The following AP5Z1 variants were observed in gnomAD, a reference collection of about 807,000 sequenced individuals.
AP5Z1 encodes the protein adaptor related protein complex 5 subunit zeta 1.
A neutral mutation model predicts 83.0 loss-of-function variants in AP5Z1; 106 were observed. That is an observed-to-expected ratio of 1.28 (90% confidence interval 1.09 to 1.50). The LOEUF is 1.50. Among genes scored for constraint, AP5Z1 ranks in the 40% most tolerant of loss-of-function variants. The probability of loss-of-function intolerance (pLI) is 0.00; values close to 1 mark genes in which losing one functional copy is unlikely to be tolerated. For synonymous variants in AP5Z1, 751 were observed against 514.1 expected (o/e 1.46, Z -6.23); for missense variants, 1,565 against 1,094.2 (o/e 1.43, Z -6.07).
Position 4,787,728 on chromosome 7 carries a change from C to G in AP5Z1, c.1406C>G (p.Ala469Gly). The change falls in exon 11 of 17, where the codon GCG (alanine) becomes GGG (glycine). Residue 469 changes from alanine (A) to glycine (G), a missense_variant. Transcript: ENST00000649063. The part of the protein sequence containing the change: ...DAGTALEMLH[A>G]LLDLPCLTAV... ...GGCACAGCCCTGGAGATGCTGCACGCGCTGCTGGACCTGCCCTGCTTGACG... is the reference window on the plus strand; with the variant it reads ...GGCACAGCCCTGGAGATGCTGCACGGGCTGCTGGACCTGCCCTGCTTGACG... The G allele has an allele frequency of 6.5e-7, 1 of 1,548,340 alleles. No individual in the cohort carries two copies. Among genetic ancestry groups the G allele is most frequent in the Non-Finnish European group, 8.7e-7 (1 of 1,148,902 alleles).
Position 4,791,347 on chromosome 7 carries a change from CGGCTGGTGGAGA to C in AP5Z1, c.2389_2400del (p.Leu797_Arg800del). 6.2e-7 allele frequency: 1 copy of C among 1,608,894 alleles called. No individual in the cohort carries two copies. The highest frequency in any genetic ancestry group is 8.5e-7 in the Non-Finnish European group (1 of 1,178,246). ...GCCCCTGGCCCTGCGCACGGTCAGC[CGGCTGGTGGAGA>C]GGGAGGCCGGCCTCATGCCAGGGTG... On this transcript the variant is annotated inframe_deletion, in exon 17 of 17. Coordinates refer to ENST00000649063, the MANE Select transcript of AP5Z1 (RefSeq NM_014855.3).
rs376210293 is a variant in AP5Z1, at chr7:4,787,542, C to G, written c.1312-92C>G. On this transcript the variant is annotated intron_variant, in intron 10 of 16. Coordinates refer to ENST00000649063, the MANE Select transcript of AP5Z1 (RefSeq NM_014855.3). The stretch of plus-strand genomic sequence containing the variant: ...AGAAGCCCTCCTGGGGACTGCAGGT[C>G]TGGGACAGCTGTGGGGCCCTAGCTG... The G allele has an allele frequency of 5.0e-5, 75 of 1,485,450 alleles. No homozygotes were observed. The East Asian group carries it at 8.2e-4, about 16-fold the overall frequency. 92.0% of individuals were successfully genotyped at this position (1,485,450 alleles called of 1,614,324 possible). A position where few individuals can be genotyped will look rare whatever the true frequency, so the allele number is the denominator to read the frequency against.
intron 2 of AP5Z1, 60 bp downstream of exon 2, chr7:4,781,372 C>G: frequency 6.2e-7 from 1 of 1,606,776 alleles, no homozygotes; most frequent in Non-Finnish European, 8.5e-7. Context: ...GAACCCAGCC[C>G]ACGCCCAGCA....
intron 9 of AP5Z1, 76 bp downstream of exon 9, chr7:4,785,760 CTTTTTTTTTTT>C (rs74274130): frequency 3.5e-6 from 4 of 1,140,590 alleles, no homozygotes; most frequent in Non-Finnish European, 4.6e-6. Flanking sequence ...TTCTTCTTCC[CTTTTTTTTTTT>C]TTTTTTTTTG....
At chr7:4,781,872 G>A (rs1200968741) in intron 3 of AP5Z1, 118 bp downstream of exon 3, 2 of 1,214,320 alleles carry the variant, frequency 1.6e-6, no homozygotes, top group Admixed American at 3.0e-5. Flanking sequence ...ACGCATCTCG[G>A]TGCTGAGTGC....
chr7:4,781,404 G>A (rs1319678690), intron 2 of AP5Z1, 92 bp downstream of exon 2: 95 of 1,585,604 alleles, frequency 6.0e-5, no homozygotes, highest in Non-Finnish European at 7.7e-5. Context: ...ATGCTCCTTG[G>A]GGGTTGAGTC....
At position 4,786,332 on chromosome 7, in the gene AP5Z1, G is replaced by C. The variant is rs1442588640; in HGVS notation, c.1215G>C (p.Met405Ile). The C allele has an allele frequency of 7.4e-6, 12 of 1,613,948 alleles. No homozygotes were observed. In the East Asian group the frequency reaches 2.5e-4, roughly 33 times the overall value. Residue 405 changes from methionine (M) to isoleucine (I), a missense_variant, in exon 10 of 17, where the codon ATG (methionine) becomes ATC (isoleucine). By Grantham distance (10) the Met-to-Ile change is conservative. Coordinates refer to ENST00000649063, the MANE Select transcript of AP5Z1 (RefSeq NM_014855.3). ...CGGTGGAGCAGTTCCACAGCCCCAT[G>C]CTGGCCTTTGAATTCATCCAGTTCT... is the stretch of plus-strand genomic sequence containing the variant. ...RIPVEQFHSPMLAFEFIQFCR... is the reference protein window; with the variant it reads ...RIPVEQFHSPILAFEFIQFCR...
intron 14 of AP5Z1, 190 bp from the exon 15 acceptor site, chr7:4,790,269 C>T (rs896375442): frequency 2.1e-5 from 33 of 1,543,334 alleles, no homozygotes; most frequent in African/African-American, 4.1e-5. Context: ...CTGAGGCCAG[C>T]GCTGGTGCCA....
rs1363864981 is a variant in AP5Z1 at position 4,792,954 on chromosome 7, CCCCTCCTGCCCTGGGGCGGGGCTT to C, written c.*1574_*1597del. On this transcript the variant is annotated 3_prime_UTR_variant, in exon 17 of 17. Transcript: ENST00000649063. Reference sequence around the variant, plus strand: ...TGAGTCTCCCACTGAGTCCGCAGCTCCCCTCCTGCCCTGGGGCGGGGCTTCCCTGACCTGAAGGCGTCGGGGGTG... The same window carrying C: ...TGAGTCTCCCACTGAGTCCGCAGCTCCCCTGACCTGAAGGCGTCGGGGGTG... The C allele has an allele frequency of 1.9e-5, 3 of 161,538 alleles. No individual in the cohort carries two copies. The East Asian group carries it at 5.4e-4, about 29-fold the overall frequency. The allele number at this position is 161,538 out of a possible 1,614,324, so 10.0% of individuals were successfully genotyped here.
At chr7:4,784,091 C>T (rs1015468255) in intron 5 of AP5Z1, 112 bp from the exon 6 acceptor site, 202 of 1,322,054 alleles carry the variant, frequency 1.5e-4, no homozygotes, top group Admixed American at 3.7e-4. Context: ...GGCCGCTGCC[C>T]GGGCTCATGT....
At position 4,790,002 on chromosome 7, in the gene AP5Z1, C is replaced by T. The variant is rs117029435; in HGVS notation, c.1805+73C>T. On this transcript the variant is annotated intron_variant, in intron 14 of 16. Coordinates refer to ENST00000649063, the MANE Select transcript of AP5Z1 (RefSeq NM_014855.3). ...GGACTCCTCCCCCTCTCCCCTCCCC[C>T]CTCCCCTTCAGTGGCTTCGGCACCA... The T allele has an allele frequency of 2.7e-4, 281 of 1,026,032 alleles. No individual in the cohort carries two copies. The African/African-American group carries it at 5.3e-3, about 19-fold the overall frequency. 63.6% of individuals were successfully genotyped at this position (1,026,032 alleles called of 1,614,324 possible).
In AP5Z1 at chr7:4,788,308, G is replaced by A. The variant is rs745584694; in HGVS notation, c.1595+14G>A. On this transcript the variant is annotated intron_variant, in intron 12 of 16. Transcript: ENST00000649063. ...CGCCACTGAGAGGTACGGGGCCCTA[G>A]GGCCAGGGGGCCACCAGTGGCTCAG... 2 of 1,564,366 alleles carry A rather than the reference G, an allele frequency of 1.3e-6. No individual in the cohort carries two copies. Among genetic ancestry groups the A allele is most frequent in the Admixed American group, 3.7e-5 (2 of 53,536 alleles).
At chr7:4,788,470 G>T in intron 12 of AP5Z1, 176 bp downstream of exon 12, 2 of 817,278 alleles carry the variant, frequency 2.4e-6, no homozygotes, top group Non-Finnish European at 3.6e-6. Flanking sequence ...CGGGTCTGCC[G>T]GGGGCGGGGC....
intron 14 of AP5Z1, chr7:4,790,255 G>A (rs1191347761): frequency 1.9e-6 from 3 of 1,545,824 alleles, no homozygotes; most frequent in Non-Finnish European, 2.6e-6. Context: ...CTCTGAGCCT[G>A]GGCCTGAGGC....
At chr7:4,776,734 C>A (rs996308746) in intron 1 of AP5Z1, among the ~76,000 whole-genome samples, 2 of 151,776 alleles carry the variant, frequency 1.3e-5, no homozygotes, top group Non-Finnish European at 2.9e-5. Context: ...AACTCCGTCT[C>A]AAAAGAAAAA....
Position 4,791,681 on chromosome 7 carries a change from C to CTGTT in AP5Z1, c.*298_*301dup. ...CTGGGTCGGGTGGAGGCTGCTGGGT[C>CTGTT]TGTTTCCTAGTCTTTTGTTTTTGGA... On this transcript the variant is annotated 3_prime_UTR_variant, in exon 17 of 17. Coordinates refer to ENST00000649063, the MANE Select transcript of AP5Z1 (RefSeq NM_014855.3). 1 of 491,718 alleles carries CTGTT rather than the reference C, an allele frequency of 2.0e-6. No homozygotes were observed. The highest frequency in any genetic ancestry group is 3.7e-5 in the South Asian group (1 of 27,278). The allele number at this position is 491,718 out of a possible 1,614,324, so 30.5% of individuals were successfully genotyped here. A position where few individuals can be genotyped will look rare whatever the true frequency, so the allele number is the denominator to read the frequency against.
In AP5Z1 at chr7:4,791,572, C is replaced by G; in HGVS notation, c.*187C>G. The G allele has an allele frequency of 2.3e-6, 2 of 884,898 alleles. No individual in the cohort carries two copies. The highest frequency in any genetic ancestry group is 3.7e-5 in the South Asian group (2 of 53,878). 54.8% of individuals were successfully genotyped at this position (884,898 alleles called of 1,614,324 possible). ...CCTGCTCACCCTCTGGGCTTTGTCT[C>G]CGAGCCTTTTGCTCCCAGGCAACAC... On this transcript the variant is annotated 3_prime_UTR_variant, in exon 17 of 17. Transcript: ENST00000649063.
chr7:4,786,369 C>T lies in AP5Z1; in HGVS notation c.1252C>T (p.Leu418Phe). The T allele has an allele frequency of 6.2e-7, 1 of 1,613,968 alleles. No homozygotes were observed. Among genetic ancestry groups the T allele is most frequent in the Non-Finnish European group, 8.5e-7 (1 of 1,179,862 alleles). The part of the protein sequence containing the change: ...FEFIQFCRDN[L>F]HLFSGHLSTL... Reference sequence around the variant, plus strand: ...ATTCATCCAGTTCTGCAGGGACAACCTCCACCTGTTCAGCGGGCACCTCAG... The same window carrying T: ...ATTCATCCAGTTCTGCAGGGACAACTTCCACCTGTTCAGCGGGCACCTCAG... The change falls in exon 10 of 17, where the codon CTC (leucine) becomes TTC (phenylalanine). Residue 418 changes from leucine to phenylalanine, a missense_variant. Leu to Phe is a conservative substitution (Grantham distance 22, BLOSUM62 0). Transcript: ENST00000649063.
chr7:4,790,361 C>G, intron 14 of AP5Z1, 98 bp from the exon 15 acceptor site: 1 of 1,582,500 alleles, frequency 6.3e-7, no homozygotes, highest in Non-Finnish European at 8.6e-7. Flanking sequence ...ATACACCTAC[C>G]ACTCAGACGC....
Sources: gnomAD v4.1 joint callset for allele counts (sites outside exome capture counted in the v4.1 genomes callset) on GRCh38, gnomAD v4.1.1 for gene constraint, MANE v1.5 for transcripts, NCBI Gene and HGNC (gene_info 2026-07-23, HGNC 2026-07-21) for gene names.